The following MRTFB variants were observed in gnomAD, a reference collection of about 807,000 sequenced individuals.
The protein encoded by MRTFB is myocardin related transcription factor B.
In MRTFB, 29 loss-of-function variants were observed where a neutral mutation model predicts 104.2. The ratio of observed to expected loss-of-function variants is 0.28; its 90% CI spans 0.21 to 0.38. MRTFB has a LOEUF of 0.38. MRTFB is among the 10% of genes least tolerant of loss of function. The pLI is 1.00. For missense variants in MRTFB, 1,270 were observed against 1,341.6 expected (o/e 0.95, Z 0.83); for synonymous variants, 535 against 519.5 (o/e 1.03, Z -0.41).
At chr16:14,159,667 C>T (rs1296859686) in intron 3 of MRTFB, among the ~76,000 whole-genome samples, 3 of 152,016 alleles carry the variant, frequency 2.0e-5, no homozygotes, top group Admixed American at 1.3e-4. Context: ...CGGTGGCTCA[C>T]GCCTGTAATC....
chr16:14,189,473 A>G (rs1025880320), intron 3 of MRTFB, among the ~76,000 whole-genome samples: 4 of 152,226 alleles, frequency 2.6e-5, no homozygotes, highest in Non-Finnish European at 5.9e-5. Context: ...TTACTCTAAA[A>G]TACCCTGGAG....
chr16:14,069,464 A>G (rs565216972), upstream of MRTFB, among the ~76,000 whole-genome samples: 2 of 152,278 alleles, frequency 1.3e-5, no homozygotes, highest in African/African-American at 4.8e-5. Flanking sequence ...CTGCCATCAT[A>G]CATCCCCTCT....
intron 3 of MRTFB, among the ~76,000 whole-genome samples, chr16:14,179,926 A>G (rs2039712046): frequency 2.0e-5 from 3 of 152,212 alleles, no homozygotes; most frequent in Admixed American, 2.0e-4. Context: ...GCTCAAGTGC[A>G]TGATTAGTGG....
At chr16:14,115,007 C>T (rs1567339203) in intron 2 of MRTFB, among the ~76,000 whole-genome samples, 1 of 152,184 alleles carries the variant, frequency 6.6e-6, no homozygotes, top group Non-Finnish European at 1.5e-5. Flanking sequence ...GGTTATTCCT[C>T]CTTGCCACCA....
chr16:14,197,722 C>G (rs1567445033), intron 3 of MRTFB, among the ~76,000 whole-genome samples: 2 of 151,874 alleles, frequency 1.3e-5, no homozygotes, highest in African/African-American at 4.8e-5. Flanking sequence ...CAAATAGAGG[C>G]AAAATATAGA....
At chr16:14,227,951 TAAAAAA>T (rs369511525) in intron 8 of MRTFB, among the ~76,000 whole-genome samples, 1 of 134,550 alleles carries the variant, frequency 7.4e-6, no homozygotes, top group African/African-American at 2.7e-5. Flanking sequence ...CAGTCTATCT[TAAAAAA>T]AAAAAAAAAA....
the MRTFB span, among the ~76,000 whole-genome samples, chr16:14,056,539 T>A: frequency 6.6e-6 from 1 of 152,216 alleles, no homozygotes; most frequent in African/African-American, 2.4e-5. Flanking sequence ...CACAAGGTAT[T>A]CTACAGGCAT....
At chr16:14,024,276 C>A in the MRTFB span, among the ~76,000 whole-genome samples, 5 of 152,308 alleles carry the variant, frequency 3.3e-5, no homozygotes, top group East Asian at 9.6e-4. Context: ...TTATGATTAA[C>A]TTTTCATTAC....
intron 2 of MRTFB, among the ~76,000 whole-genome samples, chr16:14,111,472 G>A (rs147106506): frequency 1.3e-5 from 2 of 152,316 alleles, no homozygotes; most frequent in Non-Finnish European, 2.9e-5. Flanking sequence ...ATTCACTAGA[G>A]GTGAATAAAG....
intron 2 of MRTFB, among the ~76,000 whole-genome samples, chr16:14,086,227 C>T (rs550052322): frequency 6.6e-6 from 1 of 152,116 alleles, no homozygotes; most frequent in Non-Finnish European, 1.5e-5. Context: ...CTTTCTGACT[C>T]CTAACCAATT....
chr16:14,003,242 G>A, the MRTFB span, among the ~76,000 whole-genome samples: 3 of 152,216 alleles, frequency 2.0e-5, no homozygotes, highest in Non-Finnish European at 4.4e-5. Context: ...ATGAGCAAGT[G>A]TAGGCGTGTG....
chr16:14,107,821 T>C (rs1488729077), intron 2 of MRTFB, among the ~76,000 whole-genome samples: 1 of 152,140 alleles, frequency 6.6e-6, no homozygotes, highest in African/African-American at 2.4e-5. Flanking sequence ...ATACCCAGTG[T>C]GAGGTACACC....
At chr16:14,094,333 TTGTC>T (rs1296866045) in intron 2 of MRTFB, among the ~76,000 whole-genome samples, 7 of 152,198 alleles carry the variant, frequency 4.6e-5, no homozygotes, top group African/African-American at 1.4e-4. Flanking sequence ...AGGGAAGAAT[TTGTC>T]TGAGTGTAGA....
chr16:13,998,991 A>ACCACCTTG, the MRTFB span, among the ~76,000 whole-genome samples: 2 of 150,128 alleles, frequency 1.3e-5, no homozygotes, highest in Non-Finnish European at 1.5e-5. Flanking sequence ...TCAGTTCAAG[A>ACCACCTTG]CCACCTTGGG....
intron 3 of MRTFB, among the ~76,000 whole-genome samples, chr16:14,147,050 C>T (rs527487266): frequency 2.0e-5 from 3 of 152,260 alleles, no homozygotes; most frequent in South Asian, 2.1e-4. Context: ...AAAATCTTGT[C>T]GTTGGCTTTG....
chr16:14,161,236 C>T (rs2039026431), intron 3 of MRTFB, among the ~76,000 whole-genome samples: 1 of 151,936 alleles, frequency 6.6e-6, no homozygotes, highest in African/African-American at 2.4e-5. Context: ...AGAGGACTTA[C>T]ATTTCCAGAT....
chr16:14,254,639 T>G (rs115754403), intron 15 of MRTFB, among the ~76,000 whole-genome samples: 2,976 of 152,336 alleles, frequency 0.02, 112 homozygotes, highest in African/African-American at 0.068. Flanking sequence ...AAAGTGAGAT[T>G]GGAACATCTA....
At chr16:14,010,941 T>C in the MRTFB span, among the ~76,000 whole-genome samples, 1 of 152,168 alleles carries the variant, frequency 6.6e-6, no homozygotes, top group Admixed American at 6.5e-5. Flanking sequence ...TATTGGACAG[T>C]GTATTCTAGT....
chr16:14,145,897 A>G (rs1017549841), intron 3 of MRTFB, among the ~76,000 whole-genome samples: 1 of 152,242 alleles, frequency 6.6e-6, no homozygotes, highest in African/African-American at 2.4e-5. Context: ...GGTAGAAACA[A>G]CATCACTGAA....
Sources: allele counts gnomAD v4.1 joint callset (sites outside exome capture counted in the v4.1 genomes callset), GRCh38; gene constraint gnomAD v4.1.1; transcripts MANE v1.5; gene names NCBI Gene and HGNC (gene_info 2026-07-23, HGNC 2026-07-21).